Variants in UNC13B observed in about 807,000 individuals in gnomAD.
UNC13B encodes the protein protein unc-13 homolog B.
A neutral mutation model predicts 211.0 loss-of-function variants in UNC13B; 144 were observed. That is an observed-to-expected ratio of 0.68 (90% confidence interval 0.60 to 0.78). The LOEUF is 0.78. Among genes scored for constraint, UNC13B ranks in the 30% least tolerant of loss-of-function variants. The pLI, the probability that UNC13B is intolerant of heterozygous loss-of-function variation, is 0.00. For synonymous variants in UNC13B, 709 were observed against 725.8 expected, an observed-to-expected ratio of 0.98 and a Z score of 0.37; for missense variants, 1,777 against 2,002.0, an observed-to-expected ratio of 0.89 and a Z score of 2.14.
intron 11 of UNC13B, chr9:35,362,062 A>T (rs1464508918): frequency 6.6e-6 from 1 of 152,242 alleles, no homozygotes; most frequent in Non-Finnish European, 1.5e-5. Context: ...TGCGATCAGA[A>T]TTTCGAAATG....
intron 11 of UNC13B, among the ~76,000 whole-genome samples, chr9:35,339,461 T>A (rs527314510): frequency 6.6e-6 from 1 of 152,346 alleles, no homozygotes; most frequent in African/African-American, 2.4e-5. Context: ...CTGATGTCCT[T>A]TGGCCATGTG....
intron 7 of UNC13B, among the ~76,000 whole-genome samples, chr9:35,259,558 C>T (rs1290198055): frequency 1.3e-5 from 2 of 152,000 alleles, no homozygotes; most frequent in African/African-American, 4.8e-5. Flanking sequence ...GGCTCAACAC[C>T]TATGCATAGT....
At chr9:35,190,643 T>C (rs959070709) in intron 1 of UNC13B, among the ~76,000 whole-genome samples, 23 of 152,076 alleles carry the variant, frequency 1.5e-4, no homozygotes, top group Admixed American at 8.5e-4. Flanking sequence ...CTGTCATATG[T>C]GCATTAAGAG....
At chr9:35,389,160 C>G (rs1229053935) in intron 24 of UNC13B, among the ~76,000 whole-genome samples, 1 of 152,112 alleles carries the variant, frequency 6.6e-6, no homozygotes, top group East Asian at 1.9e-4. Context: ...TGTGGTGACT[C>G]CTACTTCACT....
At chr9:35,286,033 G>C (rs1828772512) in intron 7 of UNC13B, among the ~76,000 whole-genome samples, 1 of 151,988 alleles carries the variant, frequency 6.6e-6, no homozygotes, top group South Asian at 2.1e-4. Context: ...TACCACTGGG[G>C]GCTGTGATAC....
At chr9:35,264,434 A>C (rs1827455026) in intron 7 of UNC13B, among the ~76,000 whole-genome samples, 1 of 152,244 alleles carries the variant, frequency 6.6e-6, no homozygotes, top group African/African-American at 2.4e-5. Context: ...GAGAGCAATT[A>C]AATTGCATAT....
chr9:35,278,967 G>A (rs980862472), intron 7 of UNC13B, among the ~76,000 whole-genome samples: 2 of 152,040 alleles, frequency 1.3e-5, no homozygotes, highest in African/African-American at 4.8e-5. Context: ...TGTGTTTAGT[G>A]TCTTGCTTTT....
intron 8 of UNC13B, among the ~76,000 whole-genome samples, chr9:35,298,354 G>A (rs1422628356): frequency 6.6e-6 from 1 of 152,160 alleles, no homozygotes; most frequent in Non-Finnish European, 1.5e-5. Context: ...CTGGGAGGTC[G>A]AAGCTATAGT....
intron 1 of UNC13B, 143 bp downstream of exon 1, chr9:35,162,448 C>A: frequency 8.8e-7 from 1 of 1,132,176 alleles, no homozygotes; most frequent in Non-Finnish European, 1.2e-6. Context: ...AATCACTTAA[C>A]AATCACTTGA....
intron 23 of UNC13B, 36 bp from the exon 24 acceptor site, chr9:35,386,129 G>A (rs1209084465): frequency 6.2e-7 from 1 of 1,613,546 alleles, no homozygotes; most frequent in Non-Finnish European, 8.5e-7. Flanking sequence ...CAGGTGAGCA[G>A]GTCCTTGGGC....
At chr9:35,343,061 A>T (rs970466122) in intron 11 of UNC13B, among the ~76,000 whole-genome samples, 1 of 152,262 alleles carries the variant, frequency 6.6e-6, no homozygotes, top group African/African-American at 2.4e-5. Flanking sequence ...CAGTCTGTCC[A>T]CTTGTGTCTT....
intron 7 of UNC13B, among the ~76,000 whole-genome samples, chr9:35,294,991 C>T (rs1253605886): frequency 6.6e-6 from 1 of 152,214 alleles, no homozygotes; most frequent in Admixed American, 6.5e-5. Flanking sequence ...ATTGGCAGTG[C>T]ATAAGTTTTT....
rs1388877422 is a variant in UNC13B at position 35,376,068 on chromosome 9, AC to A, written c.9660del (p.Ile3221PhefsTer80). The A allele has an allele frequency of 3.7e-6, 6 of 1,614,046 alleles. No homozygotes were observed. Among genetic ancestry groups the A allele is most frequent in the Non-Finnish European group, 3.4e-6 (4 of 1,180,006 alleles). On this transcript the variant is annotated frameshift_variant, in exon 15 of 40. Coordinates refer to ENST00000635942, the MANE Select transcript of UNC13B (RefSeq NM_001371189.2). LOFTEE classifies it high-confidence loss of function. ...AAGAAAACCCTGCAGGCCTTAATCTACCCCATTTCGTGCACCACTCCTCATA... is the reference window on the plus strand; with the variant it reads ...AAGAAAACCCTGCAGGCCTTAATCTACCCATTTCGTGCACCACTCCTCATA... ...VYKKTLQALI[Y>X]PISCTTPHNF... is the part of the protein sequence containing the mutation.
intron 6 of UNC13B, among the ~76,000 whole-genome samples, chr9:35,245,700 A>G (rs946661448): frequency 3.3e-5 from 5 of 151,884 alleles, no homozygotes; most frequent in Non-Finnish European, 7.4e-5. Flanking sequence ...TTATGGCTGT[A>G]TAGTATTCCA....
At chr9:35,398,421 T>A (rs1836033249) in intron 31 of UNC13B, 133 bp downstream of exon 31, 2 of 1,352,086 alleles carry the variant, frequency 1.5e-6, no homozygotes, top group Admixed American at 1.8e-5. Flanking sequence ...TAATCTGAGG[T>A]AGGCATTCGG....
chr9:35,261,253 A>C (rs573810693), intron 7 of UNC13B, among the ~76,000 whole-genome samples: 1 of 152,292 alleles, frequency 6.6e-6, no homozygotes, highest in South Asian at 2.1e-4. Context: ...ACAAAAATAC[A>C]AGTATTTTCT....
At chr9:35,338,105 A>G (rs1831768407) in intron 11 of UNC13B, among the ~76,000 whole-genome samples, 2 of 152,074 alleles carry the variant, frequency 1.3e-5, no homozygotes, top group Non-Finnish European at 2.9e-5. Context: ...GTGACTTTTG[A>G]TCGGGTTTAT....
chr9:35,286,043 C>T (rs550575670), intron 7 of UNC13B, among the ~76,000 whole-genome samples: 7 of 151,986 alleles, frequency 4.6e-5, no homozygotes, highest in Non-Finnish European at 1.0e-4. Context: ...GGCTGTGATA[C>T]TGTGATTTTA....
At chr9:35,355,127 T>C (rs1832946069) in intron 11 of UNC13B, among the ~76,000 whole-genome samples, 1 of 152,076 alleles carries the variant, frequency 6.6e-6, no homozygotes, top group African/African-American at 2.4e-5. Context: ...TATATTGACA[T>C]ACAAAAAAAA....
Sources: allele counts gnomAD v4.1 joint callset (sites outside exome capture counted in the v4.1 genomes callset), GRCh38; gene constraint gnomAD v4.1.1; transcripts MANE v1.5; gene names NCBI Gene and HGNC (gene_info 2026-07-23, HGNC 2026-07-21).